PIAS2: variants seen among roughly 807,000 people sequenced by gnomAD.
PIAS2 encodes the protein E3 SUMO-protein ligase PIAS2.
A neutral mutation model predicts 69.7 loss-of-function variants in PIAS2; 19 were observed. The ratio of observed to expected loss-of-function variants is 0.27; its 90% CI spans 0.19 to 0.40. PIAS2 has a LOEUF of 0.40. Among genes scored for constraint, PIAS2 ranks in the 10% least tolerant of loss-of-function variants. The pLI, the probability that PIAS2 is intolerant of heterozygous loss-of-function variation, is 1.00. For synonymous variants in PIAS2, 261 were observed against 263.2 expected (o/e 0.99, Z 0.08); for missense variants, 624 against 757.0 (o/e 0.82, Z 2.06).
intron 1 of PIAS2, 94 bp from the exon 2 acceptor site, chr18:46,891,148 T>C (rs2054018963): frequency 1.4e-5 from 12 of 886,372 alleles, no homozygotes; most frequent in Non-Finnish European, 1.9e-5. Flanking sequence ...TTTTCCAGCA[T>C]TCTATCAATT....
At chr18:46,913,158 G>A (rs2057443921) in intron 1 of PIAS2, among the ~76,000 whole-genome samples, 1 of 152,126 alleles carries the variant, frequency 6.6e-6, no homozygotes, top group African/African-American at 2.4e-5. Flanking sequence ...ATGGGGAGAG[G>A]AGCGTGATGA....
rs1323993548 is a variant in PIAS2, at chr18:46,811,342, G to A, written c.*1091C>T. The A allele has an allele frequency of 1.3e-5, 2 of 151,448 alleles. No homozygotes were observed. Among genetic ancestry groups the A allele is most frequent in the Non-Finnish European group, 1.5e-5 (1 of 67,938 alleles). 9.4% of individuals were successfully genotyped at this position (151,448 alleles called of 1,614,324 possible). On this transcript the variant is annotated 3_prime_UTR_variant, in exon 14 of 14. Transcript: ENST00000585916. ...GCTGAGACTGAAATTACATTGGTGA[G>A]AAATATGATCATCATAAATCTAAAA...
rs2040739526 is a variant in PIAS2, at chr18:46,807,366, T to C, written c.*5067A>G. On this transcript the variant is annotated 3_prime_UTR_variant, in exon 14 of 14. Coordinates refer to ENST00000585916, the MANE Select transcript of PIAS2 (RefSeq NM_004671.5). The stretch of plus-strand genomic sequence containing the variant: ...AAACATGTCAGATTTTATATATATA[T>C]ATATATATATATATATATTTTTTTT... 1 of 26,870 alleles carries C rather than the reference T, an allele frequency of 3.7e-5. No individual in the cohort carries two copies. The highest frequency in any genetic ancestry group is 2.6e-4 in the African/African-American group (1 of 3,856). 1.7% of individuals were successfully genotyped at this position (26,870 alleles called of 1,614,324 possible). A position where few individuals can be genotyped will look rare whatever the true frequency, so the allele number is the denominator to read the frequency against.
chr18:46,916,295 G>C (rs1010174607), intron 1 of PIAS2, among the ~76,000 whole-genome samples: 1 of 151,876 alleles, frequency 6.6e-6, no homozygotes, highest in African/African-American at 2.4e-5. Flanking sequence ...CCTTTTACCG[G>C]ATTCCTCTTC....
At chr18:46,822,607 ATT>A (rs1279599879) in intron 11 of PIAS2, among the ~76,000 whole-genome samples, 3 of 152,168 alleles carry the variant, frequency 2.0e-5, no homozygotes, top group African/African-American at 7.2e-5. Context: ...AATAAGTTAT[ATT>A]GTATCTAAAG....
At chr18:46,829,649 C>T in intron 10 of PIAS2, 85 bp downstream of exon 10, 1 of 1,198,836 alleles carries the variant, frequency 8.3e-7, no homozygotes, top group East Asian at 2.4e-5. Flanking sequence ...AGCTGAATTC[C>T]AAACGTATAG....
chr18:46,891,591 C>T, intron 1 of PIAS2: 1 of 638,480 alleles, frequency 1.6e-6, no homozygotes, highest in Non-Finnish European at 2.0e-6. Context: ...CATTAACAAA[C>T]AAACAACATA....
intron 12 of PIAS2, chr18:46,818,535 T>C: frequency 8.9e-7 from 1 of 1,127,824 alleles, no homozygotes; most frequent in Non-Finnish European, 1.2e-6. Flanking sequence ...ATTCTTGGTG[T>C]TCTATTTAAT....
chr18:46,901,710 T>C (rs1393964752), intron 1 of PIAS2, among the ~76,000 whole-genome samples: 1 of 152,174 alleles, frequency 6.6e-6, no homozygotes, highest in Non-Finnish European at 1.5e-5. Context: ...AAAACGCATT[T>C]CACAAATTCA....
intron 1 of PIAS2, chr18:46,905,762 C>T (rs189737619): frequency 6.6e-6 from 1 of 152,208 alleles, no homozygotes. Flanking sequence ...AAAATATGAA[C>T]AGTCCTACAA....
At chr18:46,918,992 C>CGT (rs1018481188), upstream of PIAS2, among the ~76,000 whole-genome samples, 6 of 130,402 alleles carry the variant, frequency 4.6e-5, no homozygotes, top group Admixed American at 1.5e-4. Flanking sequence ...TATGTGTGTG[C>CGT]GTGTATATAT....
At chr18:46,885,422 A>G (rs1352467169) in intron 2 of PIAS2, among the ~76,000 whole-genome samples, 1 of 151,946 alleles carries the variant, frequency 6.6e-6, no homozygotes, top group Non-Finnish European at 1.5e-5. Flanking sequence ...TGGGAGGCTG[A>G]GGCAAGGAGA....
intron 1 of PIAS2, among the ~76,000 whole-genome samples, chr18:46,900,546 G>A (rs1346050893): frequency 6.6e-6 from 1 of 151,826 alleles, no homozygotes; most frequent in Non-Finnish European, 1.5e-5. Context: ...GCTTGGTGGT[G>A]CTCAACTGTA....
At chr18:46,820,248 C>T (rs2042019421) in intron 12 of PIAS2, among the ~76,000 whole-genome samples, 1 of 152,066 alleles carries the variant, frequency 6.6e-6, no homozygotes, top group Admixed American at 6.6e-5. Context: ...AAAGTGATGC[C>T]AGCATATTGT....
chr18:46,817,133 A>G lies in PIAS2; in HGVS notation c.1649-1784T>C, dbSNP rs2041650134. 5.3e-6 allele frequency: 5 copies of G among 951,658 alleles called. No homozygotes were observed. The Admixed American group carries it at 1.9e-4, about 35-fold the overall frequency. 59.0% of individuals were successfully genotyped at this position (951,658 alleles called of 1,614,324 possible). A position where few individuals can be genotyped will look rare whatever the true frequency, so the allele number is the denominator to read the frequency against. Reference sequence around the variant, plus strand: ...TCTTTTCAGTTTTTCAGTTTTCTTCATTTTTACAATAGCTTCTACCTTTTT... The same window carrying G: ...TCTTTTCAGTTTTTCAGTTTTCTTCGTTTTTACAATAGCTTCTACCTTTTT... On this transcript the variant is annotated intron_variant, in intron 12 of 13. Transcript: ENST00000585916.
intron 3 of PIAS2, among the ~76,000 whole-genome samples, chr18:46,858,856 G>A (rs938028297): frequency 2.6e-5 from 4 of 152,110 alleles, no homozygotes; most frequent in African/African-American, 9.7e-5. Context: ...TCCAGGTTTT[G>A]GAATGCTGCA....
intron 3 of PIAS2, among the ~76,000 whole-genome samples, chr18:46,856,657 G>C (rs866467654): frequency 6.6e-6 from 1 of 152,150 alleles, no homozygotes; most frequent in Non-Finnish European, 1.5e-5. Context: ...TAGACCTATA[G>C]AATTAGAATC....
At chr18:46,870,608 T>C (rs1391348099) in intron 2 of PIAS2, among the ~76,000 whole-genome samples, 4 of 83,680 alleles carry the variant, frequency 4.8e-5, no homozygotes, top group Admixed American at 2.2e-4. Flanking sequence ...AGAGCAAGAC[T>C]CCGTCTCAAA....
intron 11 of PIAS2, among the ~76,000 whole-genome samples, chr18:46,824,852 A>AC (rs1244784817): frequency 2.0e-5 from 3 of 151,426 alleles, no homozygotes; most frequent in East Asian, 1.9e-4. Context: ...AAAAAAAAAA[A>AC]ACACAAAAAA....
Sources: gnomAD v4.1 joint callset for allele counts (sites outside exome capture counted in the v4.1 genomes callset) on GRCh38, gnomAD v4.1.1 for gene constraint, MANE v1.5 for transcripts, NCBI Gene and HGNC (gene_info 2026-07-23, HGNC 2026-07-21) for gene names.